MGAT5: variants seen among roughly 807,000 people sequenced by gnomAD.
MGAT5 encodes alpha-1,6-mannosylglycoprotein 6-beta-N-acetylglucosaminyltransferase, also known as alpha-1,6-mannosylglycoprotein 6-beta-N-acetylglucosaminyltransferase A.
MGAT5 carries 30 observed loss-of-function variants against 94.3 expected under a neutral mutation model. That is an observed-to-expected ratio of 0.32 (90% CI 0.24 to 0.43). The LOEUF is 0.43. Among genes scored for constraint, MGAT5 ranks in the 20% least tolerant of loss-of-function variants. The pLI, the probability that MGAT5 is intolerant of heterozygous loss-of-function variation, is 1.00. For synonymous variants in MGAT5, 310 were observed against 322.9 expected, an observed-to-expected ratio of 0.96 and a Z score of 0.43; for missense variants, 691 against 905.5, an observed-to-expected ratio of 0.76 and a Z score of 3.04.
intron 1 of MGAT5, among the ~76,000 whole-genome samples, chr2:134,123,490 T>G (rs1308212314): frequency 6.6e-6 from 1 of 152,220 alleles, no homozygotes; most frequent in Non-Finnish European, 1.5e-5. Flanking sequence ...ACTGCTCTGC[T>G]CTTTCTCAAG....
chr2:134,295,947 T>A (rs1003339883), intron 2 of MGAT5, among the ~76,000 whole-genome samples: 2 of 152,168 alleles, frequency 1.3e-5, no homozygotes, highest in South Asian at 2.1e-4. Flanking sequence ...AACTACAATT[T>A]TTATTTGGGA....
chr2:134,304,620 A>G (rs1686220451), intron 2 of MGAT5, among the ~76,000 whole-genome samples: 1 of 152,196 alleles, frequency 6.6e-6, no homozygotes, highest in African/African-American at 2.4e-5. Context: ...TTAGTCTCTT[A>G]ACTTTACAAG....
intron 1 of MGAT5, among the ~76,000 whole-genome samples, chr2:134,205,961 T>C (rs1680006599): frequency 6.6e-6 from 1 of 152,188 alleles, no homozygotes; most frequent in Non-Finnish European, 1.5e-5. Context: ...AATAACTGCT[T>C]AAAAGTGTAT....
chr2:134,346,773 A>G (rs770953957), intron 8 of MGAT5, among the ~76,000 whole-genome samples: 5 of 152,206 alleles, frequency 3.3e-5, no homozygotes, highest in Admixed American at 1.3e-4. Context: ...CACAACTAGT[A>G]TTCTGCTAGG....
chr2:134,328,026 A>G (rs187865475), intron 4 of MGAT5, among the ~76,000 whole-genome samples: 22 of 152,232 alleles, frequency 1.4e-4, no homozygotes, highest in Middle Eastern at 3.4e-3. Context: ...TGCTATAGAA[A>G]GTATCTCTAT....
chr2:134,442,525 CGGGGT>C (rs1685541204), intron 15 of MGAT5, among the ~76,000 whole-genome samples: 1 of 152,136 alleles, frequency 6.6e-6, no homozygotes, highest in Non-Finnish European at 1.5e-5. Flanking sequence ...CCTGAGTCTG[CGGGGT>C]CTCTTGGTAA....
chr2:134,365,630 G>T (rs1253694018), intron 10 of MGAT5, among the ~76,000 whole-genome samples: 1 of 152,184 alleles, frequency 6.6e-6, no homozygotes, highest in East Asian at 1.9e-4. Flanking sequence ...GAATTAGGGT[G>T]CAGTGGAGGG....
At chr2:134,178,705 C>G (rs1027075976) in intron 1 of MGAT5, among the ~76,000 whole-genome samples, 3 of 152,174 alleles carry the variant, frequency 2.0e-5, no homozygotes, top group African/African-American at 7.2e-5. Context: ...AGAGATTGCT[C>G]TAGGGAAAGA....
chr2:134,277,167 C>A (rs1558754099), intron 2 of MGAT5, among the ~76,000 whole-genome samples: 1 of 152,162 alleles, frequency 6.6e-6, no homozygotes, highest in Non-Finnish European at 1.5e-5. Flanking sequence ...CACTTCATAG[C>A]AGTGTGACTT....
intron 4 of MGAT5, among the ~76,000 whole-genome samples, chr2:134,323,439 C>G (rs759747225): frequency 6.6e-6 from 1 of 152,100 alleles, no homozygotes; most frequent in African/African-American, 2.4e-5. Flanking sequence ...TGAAACCAGT[C>G]CCCAACAGAT....
chr2:134,331,105 T>G (rs1156634867), intron 4 of MGAT5, among the ~76,000 whole-genome samples: 1 of 152,154 alleles, frequency 6.6e-6, no homozygotes, highest in Non-Finnish European at 1.5e-5. Flanking sequence ...ACCTTAGAAA[T>G]AAGTCTGACC....
intron 10 of MGAT5, among the ~76,000 whole-genome samples, chr2:134,369,727 T>TTGTGTGTGTGTGTGTGTG (rs10526028): frequency 0.043 from 6,169 of 142,144 alleles, 217 homozygotes; most frequent in African/African-American, 0.085. Context: ...GGTTTTTACA[T>TTGTGTGTGTGTGTGTGTG]TGTGTGTGTG....
At chr2:134,205,071 G>A (rs1477975176) in intron 1 of MGAT5, among the ~76,000 whole-genome samples, 1 of 152,210 alleles carries the variant, frequency 6.6e-6, no homozygotes, top group Non-Finnish European at 1.5e-5. Flanking sequence ...GCTTCGGCAT[G>A]TTCAGGAGAG....
intron 2 of MGAT5, among the ~76,000 whole-genome samples, chr2:134,292,516 G>C (rs1685436041): frequency 6.6e-6 from 1 of 152,162 alleles, no homozygotes; most frequent in African/African-American, 2.4e-5. Context: ...GTTTAAACGT[G>C]GGGATAAAGC....
intron 6 of MGAT5, 107 bp downstream of exon 6, chr2:134,338,527 C>T (rs1378732556): frequency 8.5e-7 from 1 of 1,180,626 alleles, no homozygotes; most frequent in Non-Finnish European, 1.2e-6. Flanking sequence ...ATGATATTCT[C>T]TCAGGGTGAA....
At chr2:134,286,276 C>T (rs1684995367) in intron 2 of MGAT5, among the ~76,000 whole-genome samples, 1 of 152,184 alleles carries the variant, frequency 6.6e-6, no homozygotes, top group South Asian at 2.1e-4. Context: ...GCCTGCTGTA[C>T]AGTTGTCGTA....
chr2:134,407,402 C>T (rs573750630), intron 11 of MGAT5, among the ~76,000 whole-genome samples: 1 of 152,188 alleles, frequency 6.6e-6, no homozygotes, highest in African/African-American at 2.4e-5. Context: ...CTTCCCTCCC[C>T]CTTATCTACA....
chr2:134,194,386 T>C (rs1446033430), intron 1 of MGAT5, among the ~76,000 whole-genome samples: 1 of 152,188 alleles, frequency 6.6e-6, no homozygotes, highest in Non-Finnish European at 1.5e-5. Context: ...CTTGTGGCTT[T>C]AATACTACTG....
intron 1 of MGAT5, among the ~76,000 whole-genome samples, chr2:134,230,002 A>G (rs1024419432): frequency 2.6e-5 from 4 of 152,262 alleles, no homozygotes; most frequent in African/African-American, 9.6e-5. Flanking sequence ...GATGGCTGTC[A>G]TCAAAAAGAC....
Sources: allele counts gnomAD v4.1 joint callset (sites outside exome capture counted in the v4.1 genomes callset), GRCh38; gene constraint gnomAD v4.1.1; transcripts MANE v1.5; gene names NCBI Gene and HGNC (gene_info 2026-07-23, HGNC 2026-07-21).